Variants in TPD52L1 observed in about 807,000 individuals in gnomAD.
TPD52L1 encodes the protein tumor protein D53.
Under a neutral mutation model 28.7 loss-of-function variants are expected in TPD52L1, and 18 were observed. The observed-to-expected ratio is 0.63, with a 90% confidence interval of 0.43 to 0.93. TPD52L1 has a LOEUF of 0.93. Ranked by LOEUF, TPD52L1 falls within the 40% of genes least tolerant of loss-of-function variation. The pLI is 0.00. For synonymous variants in TPD52L1, 75 were observed against 88.8 expected (o/e 0.84, Z 0.88); for missense variants, 203 against 254.8 (o/e 0.80, Z 1.39).
At chr6:125,203,756 C>T in intron 1 of TPD52L1, 1 of 985,422 alleles carries the variant, frequency 1.0e-6, no homozygotes, top group Non-Finnish European at 1.2e-6. Flanking sequence ...TCTACACAGA[C>T]CCTGGAGGAA....
chr6:125,156,018 C>T (rs1174303804), intron 1 of TPD52L1, among the ~76,000 whole-genome samples: 1 of 152,160 alleles, frequency 6.6e-6, no homozygotes, highest in Non-Finnish European at 1.5e-5. Flanking sequence ...AAGCCTATGA[C>T]TTTTGGAGGA....
intron 1 of TPD52L1, among the ~76,000 whole-genome samples, chr6:125,184,275 C>T (rs895330763): frequency 6.6e-6 from 1 of 152,188 alleles, no homozygotes; most frequent in African/African-American, 2.4e-5. Context: ...ATCCTTTCAT[C>T]GGCTCCATAA....
At chr6:125,154,637 C>T (rs970333104) in intron 1 of TPD52L1, 1 of 627,728 alleles carries the variant, frequency 1.6e-6, no homozygotes, top group Admixed American at 6.3e-5. Flanking sequence ...CTGGAGGAGC[C>T]TGCGGTGGCT....
chr6:125,159,194 C>T (rs757693759), intron 1 of TPD52L1, among the ~76,000 whole-genome samples: 3 of 152,194 alleles, frequency 2.0e-5, no homozygotes, highest in Non-Finnish European at 2.9e-5. Context: ...ATTTTGTCTG[C>T]GATAGAACTT....
intron 1 of TPD52L1, among the ~76,000 whole-genome samples, chr6:125,210,835 C>T (rs1794443584): frequency 6.6e-6 from 1 of 152,082 alleles, no homozygotes; most frequent in Admixed American, 6.6e-5. Context: ...CATTATTATC[C>T]CCATTTTACA....
At chr6:125,253,052 G>A (rs1190698820) in intron 4 of TPD52L1, 2 of 152,280 alleles carry the variant, frequency 1.3e-5, no homozygotes, top group Non-Finnish European at 2.9e-5. Flanking sequence ...CAACCAACCA[G>A]AGGGAAGATG....
At chr6:125,175,229 A>C in intron 1 of TPD52L1, among the ~76,000 whole-genome samples, 1 of 152,216 alleles carries the variant, frequency 6.6e-6, no homozygotes, top group South Asian at 2.1e-4. Flanking sequence ...CTCTATAAAT[A>C]CATGCGGGGA....
chr6:125,172,217 T>TTTCC (rs1250491071), intron 1 of TPD52L1, among the ~76,000 whole-genome samples: 16 of 139,836 alleles, frequency 1.1e-4, no homozygotes, highest in African/African-American at 3.7e-4. Context: ...TCTTTCTTTC[T>TTTCC]TTCCTTCCTT....
At chr6:125,187,387 A>G (rs1466267778) in intron 1 of TPD52L1, among the ~76,000 whole-genome samples, 1 of 152,196 alleles carries the variant, frequency 6.6e-6, no homozygotes, top group Non-Finnish European at 1.5e-5. Context: ...AACAGCTAAT[A>G]AAATTTAAAT....
intron 6 of TPD52L1, 133 bp from the exon 7 acceptor site, chr6:125,262,701 G>C: frequency 8.2e-7 from 1 of 1,224,800 alleles, no homozygotes; most frequent in African/African-American, 1.5e-5. Context: ...ACAAACTTCT[G>C]TGCATTCTTT....
At chr6:125,256,098 C>A (rs998207741) in intron 5 of TPD52L1, among the ~76,000 whole-genome samples, 7 of 152,124 alleles carry the variant, frequency 4.6e-5, no homozygotes, top group African/African-American at 1.4e-4. Flanking sequence ...CCTGTAATCC[C>A]AGCACTTTTG....
At chr6:125,238,531 A>G (rs73579724) in intron 3 of TPD52L1, among the ~76,000 whole-genome samples, 10,018 of 150,930 alleles carry the variant, frequency 0.066, 380 homozygotes, top group Middle Eastern at 0.099. Flanking sequence ...CCGAGTCCCC[A>G]AAGTCCATTA....
chr6:125,259,251 G>C (rs1026317540), intron 6 of TPD52L1, among the ~76,000 whole-genome samples: 4 of 152,144 alleles, frequency 2.6e-5, no homozygotes, highest in African/African-American at 9.7e-5. Flanking sequence ...AAACACTGCT[G>C]ATAAGAAATC....
chr6:125,214,516 T>A, intron 1 of TPD52L1: 1 of 933,488 alleles, frequency 1.1e-6, no homozygotes, highest in Non-Finnish European at 1.3e-6. Context: ...GGGCTGGATG[T>A]CCTGGGCTTG....
intron 2 of TPD52L1, among the ~76,000 whole-genome samples, chr6:125,228,044 A>T (rs971856641): frequency 6.6e-6 from 1 of 152,238 alleles, no homozygotes; most frequent in African/African-American, 2.4e-5. Flanking sequence ...AAAGGGGAAG[A>T]ACCATTGATA....
chr6:125,198,458 G>A (rs563411279), intron 1 of TPD52L1, among the ~76,000 whole-genome samples: 1 of 152,266 alleles, frequency 6.6e-6, no homozygotes, highest in East Asian at 1.9e-4. Context: ...TGGGGTAAGA[G>A]AGATCTATTT....
intron 3 of TPD52L1, among the ~76,000 whole-genome samples, chr6:125,238,062 A>T (rs1796380360): frequency 6.6e-6 from 1 of 152,200 alleles, no homozygotes; most frequent in Non-Finnish European, 1.5e-5. Flanking sequence ...CTGTGGTAGG[A>T]AGTCCAGATT....
intron 1 of TPD52L1, among the ~76,000 whole-genome samples, chr6:125,161,479 G>A (rs1370458972): frequency 1.3e-5 from 2 of 152,128 alleles, no homozygotes; most frequent in Non-Finnish European, 2.9e-5. Context: ...GGCTTTCACT[G>A]TGCCTTCCTT....
At chr6:125,163,930 A>G (rs1037755409) in intron 1 of TPD52L1, among the ~76,000 whole-genome samples, 6 of 151,026 alleles carry the variant, frequency 4.0e-5, no homozygotes, top group African/African-American at 1.5e-4. Context: ...AAAAAAAAAA[A>G]AGAAAACAAA....
Sources: gnomAD v4.1 joint callset for allele counts (sites outside exome capture counted in the v4.1 genomes callset) on GRCh38, gnomAD v4.1.1 for gene constraint, MANE v1.5 for transcripts, NCBI Gene and HGNC (gene_info 2026-07-23, HGNC 2026-07-21) for gene names.